RALGAPB: variants seen among roughly 807,000 people sequenced by gnomAD.
RALGAPB encodes ral GTPase-activating protein subunit beta.
A neutral mutation model predicts 161.1 loss-of-function variants in RALGAPB; 25 were observed. That is an observed-to-expected ratio of 0.16 (90% confidence interval 0.11 to 0.22). The LOEUF (loss-of-function observed/expected upper bound fraction) is 0.22. RALGAPB is among the 10% of genes least tolerant of loss of function. The pLI, the probability that RALGAPB is intolerant of heterozygous loss-of-function variation, is 1.00. For synonymous variants in RALGAPB, 629 were observed against 626.1 expected, an observed-to-expected ratio of 1.00 and a Z score of -0.07; for missense variants, 1,391 against 1,815.2, an observed-to-expected ratio of 0.77 and a Z score of 4.25.
Position 38,535,192 on chromosome 20 carries a change from C to G in RALGAPB, c.2364C>G (p.Leu788=). The stretch of plus-strand genomic sequence containing the variant: ...TATCACTGGCAGCTCTAGAGCTCCT[C>G]TCTGGCCTTGCAAAGGTGAGGAAGA... ...MSISLAALEL[L]SGLAKVKVMV... is the part of the protein sequence containing the mutation. Residue 788 remains leucine, a synonymous_variant, in exon 16 of 30, where the codon CTC becomes CTG. Coordinates refer to ENST00000262879, the MANE Select transcript of RALGAPB (RefSeq NM_020336.4). The G allele has an allele frequency of 6.2e-7, 1 of 1,614,210 alleles. No individual in the cohort carries two copies. Among genetic ancestry groups the G allele is most frequent in the South Asian group, 1.1e-5 (1 of 91,082 alleles).
rs578246303 is a variant in RALGAPB, at chr20:38,492,839, G to T, written c.187-91G>T. The T allele has an allele frequency of 2.6e-5, 27 of 1,047,312 alleles. No homozygotes were observed. In the African/African-American group the frequency reaches 4.1e-4, roughly 16 times the overall value. The allele number at this position is 1,047,312 out of a possible 1,614,324, so 64.9% of individuals were successfully genotyped here. A position where few individuals can be genotyped will look rare whatever the true frequency, so the allele number is the denominator to read the frequency against. On this transcript the variant is annotated intron_variant, in intron 2 of 29. Coordinates refer to ENST00000262879, the MANE Select transcript of RALGAPB (RefSeq NM_020336.4). ...AGACGAATATACTGTCAATTTAGAGGTTTTTGGCAATAAAAGAGATTGACA... is the reference window on the plus strand; with the variant it reads ...AGACGAATATACTGTCAATTTAGAGTTTTTTGGCAATAAAAGAGATTGACA...
chr20:38,553,839 A>G, intron 21 of RALGAPB, 28 bp from the exon 22 acceptor site: 1 of 1,405,222 alleles, frequency 7.1e-7, no homozygotes, highest in Non-Finnish European at 1.0e-6. Context: ...TAATAGTTTC[A>G]AAAAATGAAA....
At chr20:38,490,294 C>A (rs2085242181) in intron 2 of RALGAPB, among the ~76,000 whole-genome samples, 2 of 151,264 alleles carry the variant, frequency 1.3e-5, no homozygotes, top group South Asian at 4.2e-4. Context: ...CTGCAAGCTC[C>A]ACTTCCCGGG....
intron 14 of RALGAPB, among the ~76,000 whole-genome samples, 196 bp downstream of exon 14, chr20:38,531,427 G>A (rs2086646828): frequency 1.3e-5 from 2 of 152,142 alleles, no homozygotes; most frequent in South Asian, 4.2e-4. Context: ...TGTACATCAG[G>A]TTCCCGAGAT....
intron 19 of RALGAPB, chr20:38,547,344 G>C (rs1209580223): frequency 6.6e-6 from 1 of 152,162 alleles, no homozygotes; most frequent in Non-Finnish European, 1.5e-5. Flanking sequence ...GAATCTGTGG[G>C]TATAAAGTGA....
At chr20:38,572,038 GAGA>G (rs1325810318) in intron 28 of RALGAPB, among the ~76,000 whole-genome samples, 9 of 152,096 alleles carry the variant, frequency 5.9e-5, no homozygotes, top group Non-Finnish European at 1.0e-4. Context: ...AAGAAAAATG[GAGA>G]AGTAGAGGCA....
intron 5 of RALGAPB, among the ~76,000 whole-genome samples, chr20:38,507,840 G>A (rs567951035): frequency 6.6e-6 from 1 of 151,886 alleles, no homozygotes; most frequent in South Asian, 2.1e-4. Context: ...TATTTATGTT[G>A]TTCCCATTGT....
chr20:38,495,956 G>A (rs538953377), intron 3 of RALGAPB, among the ~76,000 whole-genome samples: 1 of 152,128 alleles, frequency 6.6e-6, no homozygotes, highest in Non-Finnish European at 1.5e-5. Flanking sequence ...CAGTCCCAGG[G>A]CCATTAGTGG....
chr20:38,561,997 T>A (rs1350635249), intron 23 of RALGAPB, among the ~76,000 whole-genome samples: 1 of 152,248 alleles, frequency 6.6e-6, no homozygotes, highest in East Asian at 1.9e-4. Flanking sequence ...GAGAACTTTC[T>A]GGACACTTCA....
intron 1 of RALGAPB, among the ~76,000 whole-genome samples, chr20:38,476,360 G>T (rs1013742901): frequency 5.3e-5 from 8 of 152,178 alleles, no homozygotes; most frequent in African/African-American, 1.4e-4. Flanking sequence ...TAAAATTAAG[G>T]TGCATGGAGT....
At chr20:38,487,561 A>T (rs886554829) in intron 1 of RALGAPB, among the ~76,000 whole-genome samples, 3 of 152,164 alleles carry the variant, frequency 2.0e-5, no homozygotes, top group African/African-American at 7.2e-5. Context: ...TGCGAAAAGG[A>T]TGTATTTTTA....
chr20:38,520,038 A>C (rs1285271516), intron 9 of RALGAPB, among the ~76,000 whole-genome samples: 2 of 152,170 alleles, frequency 1.3e-5, no homozygotes, highest in Non-Finnish European at 2.9e-5. Flanking sequence ...ATTGTTTTGC[A>C]TGATACAAAA....
At chr20:38,501,364 C>T (rs1476833676) in intron 5 of RALGAPB, among the ~76,000 whole-genome samples, 1 of 152,144 alleles carries the variant, frequency 6.6e-6, no homozygotes, top group African/African-American at 2.4e-5. Flanking sequence ...GTAATCCCAG[C>T]ACTTTGGGAG....
chr20:38,575,153 G>T lies in RALGAPB; in HGVS notation c.*186G>T. On this transcript the variant is annotated 3_prime_UTR_variant, in exon 30 of 30. Transcript: ENST00000262879. ...GACTTTGGGCTATCTAGTGAAATGGGCTCCCAGACACAATCACACTCCTGC... is the reference window on the plus strand; with the variant it reads ...GACTTTGGGCTATCTAGTGAAATGGTCTCCCAGACACAATCACACTCCTGC... 1 of 576,034 alleles carries T rather than the reference G, an allele frequency of 1.7e-6. No homozygotes were observed. The highest frequency in any genetic ancestry group is 3.1e-6 in the Non-Finnish European group (1 of 327,834). 35.7% of individuals were successfully genotyped at this position (576,034 alleles called of 1,614,324 possible).
At chr20:38,482,014 A>G (rs189920650) in intron 1 of RALGAPB, among the ~76,000 whole-genome samples, 38 of 151,298 alleles carry the variant, frequency 2.5e-4, no homozygotes, top group East Asian at 2.5e-3. Flanking sequence ...GTGCAATCAA[A>G]AATTTTCAAG....
At chr20:38,488,648 A>G (rs756186753) in intron 2 of RALGAPB, 30 bp downstream of exon 2, 24 of 1,573,422 alleles carry the variant, frequency 1.5e-5, no homozygotes, top group Non-Finnish European at 2.0e-5. Context: ...ATTCTCTTAT[A>G]TGAAAATGTA....
At chr20:38,518,065 C>A in intron 9 of RALGAPB, 65 bp downstream of exon 9, 7 of 1,425,524 alleles carry the variant, frequency 4.9e-6, no homozygotes, top group Non-Finnish European at 6.9e-6. Flanking sequence ...TCTTTTTAGT[C>A]TTTCCTACCT....
At chr20:38,569,146 G>A (rs1051808056) in intron 26 of RALGAPB, 1 of 152,164 alleles carries the variant, frequency 6.6e-6, no homozygotes, top group Admixed American at 6.5e-5. Context: ...GTATATTTCT[G>A]TGCTAATAAA....
At chr20:38,554,183 ACTGGTT>A in intron 22 of RALGAPB, 107 bp downstream of exon 22, 27 of 1,013,578 alleles carry the variant, frequency 2.7e-5, no homozygotes, top group Non-Finnish European at 3.5e-5. Context: ...AAAAAAAAAA[ACTGGTT>A]AAAATTTTAG....
Sources: gnomAD v4.1 joint callset for allele counts (sites outside exome capture counted in the v4.1 genomes callset) on GRCh38, gnomAD v4.1.1 for gene constraint, MANE v1.5 for transcripts, NCBI Gene and HGNC (gene_info 2026-07-23, HGNC 2026-07-21) for gene names.